Variants in SEPTIN9 observed in about 807,000 individuals in gnomAD.
SEPTIN9 encodes the protein septin-9.
In SEPTIN9, 13 loss-of-function variants were observed where a neutral mutation model predicts 56.6. That is an observed-to-expected ratio of 0.23 (90% CI 0.15 to 0.37). SEPTIN9 has a LOEUF of 0.37. SEPTIN9 is among the 10% of genes least tolerant of loss of function. The pLI is 1.00. For synonymous variants in SEPTIN9, 332 were observed against 334.1 expected (o/e 0.99, Z 0.07); for missense variants, 650 against 823.1 (o/e 0.79, Z 2.57).
intron 2 of SEPTIN9, among the ~76,000 whole-genome samples, chr17:77,339,754 C>T (rs2033667541): frequency 6.6e-6 from 1 of 151,942 alleles, no homozygotes; most frequent in Non-Finnish European, 1.5e-5. Flanking sequence ...AGGTGATCCA[C>T]CTGCCTCAGC....
Position 77,476,162 on chromosome 17 carries a change from T to A in SEPTIN9, c.722-5982T>A, listed in dbSNP as rs1315301025. 6.6e-6 allele frequency among the ~76,000 whole-genome samples: 1 copy of A among 152,132 alleles called. No individual in the cohort carries two copies. Among genetic ancestry groups the A allele is most frequent in the African/African-American group, 2.4e-5 (1 of 41,424 alleles). ...TTTCTGGGACGTAGACCAGGCAGCA[T>A]GACACACAGGGAGGGGTAGGCAGAG... On this transcript the variant is annotated intron_variant, in intron 3 of 11. Coordinates refer to ENST00000427177, the MANE Select transcript of SEPTIN9 (RefSeq NM_001113491.2). The surrounding 1 kb of genome is among the most constrained non-coding windows in gnomAD (Gnocchi z 6.0).
intron 2 of SEPTIN9, among the ~76,000 whole-genome samples, chr17:77,336,129 T>C (rs981864432): frequency 6.6e-6 from 1 of 152,210 alleles, no homozygotes; most frequent in African/African-American, 2.4e-5. Flanking sequence ...ATTCCTTTGC[T>C]GATGCCACAT....
chr17:77,373,575 C>T (rs1299951782), intron 2 of SEPTIN9: 2 of 1,541,264 alleles, frequency 1.3e-6, no homozygotes, highest in Non-Finnish European at 1.8e-6. Flanking sequence ...CTGGCTGCTG[C>T]GGCCGCGGAC....
At chr17:77,404,122 T>A (rs2035988804) in intron 3 of SEPTIN9, among the ~76,000 whole-genome samples, 1 of 152,238 alleles carries the variant, frequency 6.6e-6, no homozygotes, top group Non-Finnish European at 1.5e-5. Context: ...AGAATTTCCT[T>A]CCTTTCAGAG....
chr17:77,413,895 A>G (rs2096344761), intron 3 of SEPTIN9, among the ~76,000 whole-genome samples: 1 of 148,364 alleles, frequency 6.7e-6, no homozygotes, highest in Admixed American at 6.7e-5. Context: ...AATTTCCGTG[A>G]TGGAATTCTT....
At chr17:77,398,222 A>ACCTTGGCTTC (rs2035787858) in intron 2 of SEPTIN9, among the ~76,000 whole-genome samples, 1 of 140,492 alleles carries the variant, frequency 7.1e-6, no homozygotes, top group African/African-American at 2.7e-5. Context: ...CGATCTGTCC[A>ACCTTGGCTTC]CCTTGGCTTC....
Position 77,474,519 on chromosome 17 carries a change from G to A in SEPTIN9, c.722-7625G>A, listed in dbSNP as rs368749893. 1.4e-4 allele frequency among the ~76,000 whole-genome samples: 21 copies of A among 152,350 alleles called. 1 individual carries two copies. The highest frequency in any genetic ancestry group is 3.6e-4 in the African/African-American group (15 of 41,584). ...TCTTCTCCTGGCAGTTCAGGGCTCT[G>A]CCTCCAGCTCCCTGGGGGAGAGCAA... On this transcript the variant is annotated intron_variant, in intron 3 of 11. Transcript: ENST00000427177.
At chr17:77,291,638 A>T (rs1335626615) in intron 1 of SEPTIN9, among the ~76,000 whole-genome samples, 1 of 151,886 alleles carries the variant, frequency 6.6e-6, no homozygotes, top group African/African-American at 2.4e-5. Context: ...GTCTCAAAAA[A>T]TTTTTGTTTT....
rs780303496 is a variant in SEPTIN9 at position 77,371,360 on chromosome 17, C to T, written c.77-30699C>T. ...AACTAAATATGTTTGCTGCACTGTG[C>T]GTGGAGATGGAGAATGTACAATTGG... On this transcript the variant is annotated intron_variant, in intron 2 of 11. Coordinates refer to ENST00000427177, the MANE Select transcript of SEPTIN9 (RefSeq NM_001113491.2). The surrounding 1 kb of genome is among the most constrained non-coding windows in gnomAD (Gnocchi z 4.1). Among the ~76,000 whole-genome samples the T allele has an allele frequency of 6.6e-6, 1 of 152,204 alleles. No individual in the cohort carries two copies. The highest frequency in any genetic ancestry group is 2.4e-5 in the African/African-American group (1 of 41,456).
Position 77,498,672 on chromosome 17 carries a change from C to CCCCCCCGGG in SEPTIN9, c.*14_*15insCCCCCCGGG. 6.4e-7 allele frequency: 1 copy of CCCCCCCGGG among 1,550,432 alleles called. No homozygotes were observed. Among genetic ancestry groups the CCCCCCCGGG allele is most frequent in the Non-Finnish European group, 8.7e-7 (1 of 1,148,308 alleles). ...CCGGAGATGTAGACGCCACCCTGCC[C>CCCCCCCGGG]ACCCCCGGGATCCTGCCCCCAAGTC... On this transcript the variant is annotated 3_prime_UTR_variant, in exon 12 of 12. Transcript: ENST00000427177.
chr17:77,290,383 G>A (rs2031485419), intron 1 of SEPTIN9, among the ~76,000 whole-genome samples: 2 of 150,408 alleles, frequency 1.3e-5, no homozygotes, highest in South Asian at 2.1e-4. Context: ...TCAGCATCCC[G>A]CATAGCTGGG....
Position 77,487,344 on chromosome 17 carries a change from C to G in SEPTIN9, c.914-80C>G. 1 of 1,477,736 alleles carries G rather than the reference C, an allele frequency of 6.8e-7. No individual in the cohort carries two copies. The highest frequency in any genetic ancestry group is 9.2e-7 in the Non-Finnish European group (1 of 1,082,550). 91.5% of individuals were successfully genotyped at this position (1,477,736 alleles called of 1,614,324 possible). ...AATCTCAGACTGGAGAGCCTCGTGC[C>G]TGGGTGGGAGGGGCCCCATGTGCAG... On this transcript the variant is annotated intron_variant, in intron 4 of 11. Coordinates refer to ENST00000427177, the MANE Select transcript of SEPTIN9 (RefSeq NM_001113491.2). This position sits in a 1 kb window ranked among gnomAD's most constrained non-coding sequence, Gnocchi z 4.3.
intron 3 of SEPTIN9, among the ~76,000 whole-genome samples, chr17:77,478,371 CT>C (rs2039309480): frequency 6.6e-6 from 1 of 152,232 alleles, no homozygotes; most frequent in Admixed American, 6.5e-5. Context: ...CATAATTCCA[CT>C]TCTGGGTGTG....
At chr17:77,364,260 C>T (rs1467983795) in intron 2 of SEPTIN9, among the ~76,000 whole-genome samples, 2 of 152,226 alleles carry the variant, frequency 1.3e-5, no homozygotes, top group African/African-American at 2.4e-5. Flanking sequence ...GAGCGCGAGC[C>T]GAGGCTCAGG....
intron 3 of SEPTIN9, among the ~76,000 whole-genome samples, chr17:77,478,087 G>C (rs568067448): frequency 3.9e-5 from 6 of 152,014 alleles, no homozygotes; most frequent in Non-Finnish European, 8.8e-5. Flanking sequence ...AATTCAGTGA[G>C]GGTCTTGTGC....
chr17:77,309,010 T>G (rs768099821), intron 2 of SEPTIN9, among the ~76,000 whole-genome samples: 10 of 152,278 alleles, frequency 6.6e-5, no homozygotes, highest in Non-Finnish European at 1.5e-4. Context: ...TGTTGGGCAC[T>G]AACCACTGGA....
chr17:77,461,503 G>A (rs573283142), intron 3 of SEPTIN9, among the ~76,000 whole-genome samples: 2 of 152,246 alleles, frequency 1.3e-5, no homozygotes, highest in African/African-American at 4.8e-5. Context: ...GGACATCCGA[G>A]GGCAAGGACG....
intron 2 of SEPTIN9, among the ~76,000 whole-genome samples, chr17:77,363,189 G>T (rs971509168): frequency 1.3e-5 from 2 of 152,164 alleles, no homozygotes; most frequent in African/African-American, 4.8e-5. Flanking sequence ...CCAGCTTGGG[G>T]GGACCCAAGA....
intron 2 of SEPTIN9, chr17:77,376,381 T>C: frequency 1.1e-5 from 11 of 985,538 alleles, no homozygotes; most frequent in Non-Finnish European, 1.3e-5. Context: ...GCTCACCTGG[T>C]GTCTTGGTTC....
Sources: allele counts gnomAD v4.1 joint callset (sites outside exome capture counted in the v4.1 genomes callset), GRCh38; gene constraint gnomAD v4.1.1; non-coding constraint Gnocchi (gnomAD v3.1); transcripts MANE v1.5; gene names NCBI Gene and HGNC (gene_info 2026-07-23, HGNC 2026-07-21).